CNTNAP2: variants seen among roughly 807,000 people sequenced by gnomAD.
The protein encoded by CNTNAP2 is contactin-associated protein-like 2.
In CNTNAP2, 98 loss-of-function variants were observed where a neutral mutation model predicts 155.2. The ratio of observed to expected loss-of-function variants is 0.63; its 90% CI spans 0.54 to 0.75. The LOEUF is 0.75. Ranked by LOEUF, CNTNAP2 falls within the 30% of genes least tolerant of loss-of-function variation. The pLI, the probability that CNTNAP2 is intolerant of heterozygous loss-of-function variation, is 0.00. For synonymous variants in CNTNAP2, 651 were observed against 631.2 expected, an observed-to-expected ratio of 1.03 and a Z score of -0.47; for missense variants, 1,727 against 1,688.1, an observed-to-expected ratio of 1.02 and a Z score of -0.40.
intron 1 of CNTNAP2, among the ~76,000 whole-genome samples, chr7:146,255,338 C>A (rs902078443): frequency 1.3e-4 from 20 of 152,156 alleles, no homozygotes; most frequent in African/African-American, 4.8e-4. Context: ...AAGTGTCTAC[C>A]ACTTTGCTGA....
chr7:148,281,062 G>A (rs1392265543), intron 21 of CNTNAP2, among the ~76,000 whole-genome samples: 2 of 152,190 alleles, frequency 1.3e-5, no homozygotes, highest in East Asian at 1.9e-4. Flanking sequence ...GAGCGTGAGG[G>A]ACAGGAGAGG....
intron 19 of CNTNAP2, among the ~76,000 whole-genome samples, chr7:148,226,724 C>G (rs961677181): frequency 1.3e-5 from 2 of 152,248 alleles, no homozygotes; most frequent in African/African-American, 4.8e-5. Context: ...GGCCACTGCG[C>G]ATGCAGACAG....
At chr7:147,052,930 T>A (rs1799497998) in intron 4 of CNTNAP2, among the ~76,000 whole-genome samples, 1 of 152,092 alleles carries the variant, frequency 6.6e-6, no homozygotes, top group Admixed American at 6.6e-5. Context: ...ACCAGAGATG[T>A]TCTTGCCATT....
At chr7:147,525,872 A>C (rs1799309438) in intron 11 of CNTNAP2, among the ~76,000 whole-genome samples, 1 of 152,106 alleles carries the variant, frequency 6.6e-6, no homozygotes, top group African/African-American at 2.4e-5. Context: ...TCAGGATCTC[A>C]AGGAGCCAGT....
At chr7:146,777,948 T>C (rs10234119) in intron 2 of CNTNAP2, among the ~76,000 whole-genome samples, 7,090 of 152,010 alleles carry the variant, frequency 0.047, 566 homozygotes, top group African/African-American at 0.16. Flanking sequence ...CTGGAAGATA[T>C]AAAGAAGACA....
intron 19 of CNTNAP2, among the ~76,000 whole-genome samples, chr7:148,218,936 CTTTTTTTTTTTTT>C (rs746349465): frequency 2.7e-5 from 2 of 73,630 alleles, no homozygotes; most frequent in East Asian, 4.1e-4. Context: ...TAAGATCACT[CTTTTTTTTTTTTT>C]TTTTTTTTTT....
At chr7:147,460,943 T>C (rs1372051751) in intron 10 of CNTNAP2, among the ~76,000 whole-genome samples, 5 of 152,194 alleles carry the variant, frequency 3.3e-5, no homozygotes, top group African/African-American at 9.7e-5. Flanking sequence ...CATTGACTTA[T>C]TTGGGAGAGT....
intron 3 of CNTNAP2, among the ~76,000 whole-genome samples, chr7:146,940,507 CAG>C (rs1438578483): frequency 6.6e-6 from 1 of 151,946 alleles, no homozygotes; most frequent in South Asian, 2.1e-4. Flanking sequence ...ATTTTTTTAA[CAG>C]AGTGTTAAAG....
At chr7:147,189,938 G>A (rs1802648188) in intron 8 of CNTNAP2, among the ~76,000 whole-genome samples, 1 of 152,134 alleles carries the variant, frequency 6.6e-6, no homozygotes, top group East Asian at 1.9e-4. Context: ...TAGAGATGGG[G>A]TTTCACCGTG....
chr7:146,401,236 G>T (rs1795709448), intron 1 of CNTNAP2, among the ~76,000 whole-genome samples: 1 of 152,100 alleles, frequency 6.6e-6, no homozygotes, highest in African/African-American at 2.4e-5. Flanking sequence ...AGAATAAAAG[G>T]GCTGAGGATT....
At chr7:148,329,601 C>G (rs1030348091) in intron 21 of CNTNAP2, among the ~76,000 whole-genome samples, 3 of 152,174 alleles carry the variant, frequency 2.0e-5, no homozygotes, top group African/African-American at 7.2e-5. Context: ...TATTAGCAAC[C>G]AAGGGGACCT....
intron 8 of CNTNAP2, among the ~76,000 whole-genome samples, chr7:147,264,592 G>A (rs1804565718): frequency 1.3e-5 from 2 of 150,442 alleles, no homozygotes; most frequent in African/African-American, 4.9e-5. Flanking sequence ...CTCCAGGCTA[G>A]CCTCGTCAAG....
In CNTNAP2 at chr7:147,108,267, T is replaced by C. The variant is rs1269648909; in HGVS notation, c.671T>C (p.Val224Ala). The C allele has an allele frequency of 1.2e-6, 2 of 1,613,480 alleles. No individual in the cohort carries two copies. The highest frequency in any genetic ancestry group is 1.7e-6 in the Non-Finnish European group (2 of 1,179,798). ...LNFKTSESEG[V>A]ILHGEGQQGD... is the part of the protein sequence containing the mutation. ...TTTAAGACGTCTGAAAGTGAAGGAG[T>C]AATCCTGCACGGAGAAGGACAGCAA... is the stretch of plus-strand genomic sequence containing the variant. Residue 224 changes from valine to alanine, a missense_variant, in exon 5 of 24, where the codon GTA becomes GCA. By Grantham distance (64) the Val-to-Ala change is moderately conservative (BLOSUM62 0). Transcript: ENST00000361727.
chr7:146,764,060 T>G (rs1802152127), intron 1 of CNTNAP2, among the ~76,000 whole-genome samples: 2 of 152,176 alleles, frequency 1.3e-5, no homozygotes, highest in South Asian at 4.1e-4. Flanking sequence ...ATGCTAACTT[T>G]CAGTTAACCA....
At chr7:146,768,956 C>T (rs1802246499) in intron 1 of CNTNAP2, among the ~76,000 whole-genome samples, 1 of 152,186 alleles carries the variant, frequency 6.6e-6, no homozygotes, top group Non-Finnish European at 1.5e-5. Context: ...GCCAGTATCC[C>T]TTGCCAATAG....
intron 13 of CNTNAP2, among the ~76,000 whole-genome samples, chr7:147,882,470 C>T (rs1799537090): frequency 6.6e-6 from 1 of 152,194 alleles, no homozygotes. Context: ...CAGCCCCCTG[C>T]CTCTGTCCAC....
At chr7:147,316,303 T>A (rs909639315) in intron 9 of CNTNAP2, among the ~76,000 whole-genome samples, 1 of 152,068 alleles carries the variant, frequency 6.6e-6, no homozygotes, top group Non-Finnish European at 1.5e-5. Context: ...TTATCAGACA[T>A]TTGTTGCACT....
rs1038248412 is a variant in CNTNAP2, at chr7:146,151,647, T to C, written c.97+34674T>C. On this transcript the variant is annotated intron_variant, in intron 1 of 23. Coordinates refer to ENST00000361727, the MANE Select transcript of CNTNAP2 (RefSeq NM_014141.6). The stretch of plus-strand genomic sequence containing the variant: ...ACAAAGAAAACGTGATATATATATA[T>C]ATATATATATATATATATATATATA... 9.0e-4 allele frequency among the ~76,000 whole-genome samples: 15 copies of C among 16,596 alleles called. 1 individual carries two copies. The highest frequency in any genetic ancestry group is 3.2e-3 in the South Asian group (1 of 314). The allele number at this position is 16,596 out of a possible 152,430, so 10.9% of individuals were successfully genotyped here.
intron 21 of CNTNAP2, among the ~76,000 whole-genome samples, chr7:148,286,477 A>G (rs1797084505): frequency 6.6e-6 from 1 of 152,216 alleles, no homozygotes; most frequent in South Asian, 2.1e-4. Context: ...TCAAACAATA[A>G]GGAAAGGATT....
Sources: allele counts gnomAD v4.1 joint callset (sites outside exome capture counted in the v4.1 genomes callset), GRCh38; gene constraint gnomAD v4.1.1; transcripts MANE v1.5; gene names NCBI Gene and HGNC (gene_info 2026-07-23, HGNC 2026-07-21).